Variants in SLC71A2 observed in about 807,000 individuals in gnomAD.
SLC71A2 encodes the protein hippocampus abundant transcript-like 1.
chr9:94,377,385 T>G, the SLC71A2 span, among the ~76,000 whole-genome samples: 3 of 47,268 alleles, frequency 6.3e-5, no homozygotes, highest in African/African-American at 5.3e-4. Flanking sequence ...GTTTTCTGTG[T>G]TTTTTTTTTT....
At chr9:94,375,831 TC>T in the SLC71A2 span, among the ~76,000 whole-genome samples, 150 of 146,924 alleles carry the variant, frequency 1.0e-3, no homozygotes, top group Non-Finnish European at 1.8e-3. Flanking sequence ...GGGATGTAAA[TC>T]CCTATTAGTA....
chr9:94,421,385 T>C, the SLC71A2 span, among the ~76,000 whole-genome samples: 2 of 152,196 alleles, frequency 1.3e-5, no homozygotes, highest in Non-Finnish European at 2.9e-5. Context: ...CTTGTCACAT[T>C]TCTAATGTGA....
chr9:94,413,659 CAAA>C, the SLC71A2 span, among the ~76,000 whole-genome samples: 2 of 101,984 alleles, frequency 2.0e-5, no homozygotes, highest in Non-Finnish European at 3.7e-5. Context: ...GACTTCATCT[CAAA>C]AAAAAAAAAA....
chr9:94,460,763 AC>A, the SLC71A2 span: 2 of 152,600 alleles, frequency 1.3e-5, no homozygotes, highest in African/African-American at 4.8e-5. Context: ...AATATATACA[AC>A]TTTTATAAAG....
the SLC71A2 span, among the ~76,000 whole-genome samples, chr9:94,382,126 A>G: frequency 6.6e-6 from 1 of 151,712 alleles, no homozygotes; most frequent in South Asian, 2.1e-4. Context: ...TCCTGGGCGC[A>G]GGTAATTCTC....
the SLC71A2 span, among the ~76,000 whole-genome samples, chr9:94,431,348 T>C: frequency 6.6e-6 from 1 of 151,956 alleles, no homozygotes; most frequent in South Asian, 2.1e-4. Context: ...AGTAATGTGC[T>C]GAATTTAGCC....
the SLC71A2 span, among the ~76,000 whole-genome samples, chr9:94,420,610 T>C: frequency 1.3e-5 from 2 of 151,318 alleles, no homozygotes; most frequent in Non-Finnish European, 2.9e-5. Flanking sequence ...TTTTTTTTTT[T>C]AAATTCAAGG....
the SLC71A2 span, among the ~76,000 whole-genome samples, chr9:94,448,579 GT>G: frequency 6.6e-6 from 1 of 152,148 alleles, no homozygotes; most frequent in Non-Finnish European, 1.5e-5. Flanking sequence ...CATTCTGATA[GT>G]TTTCCTGAGG....
At chr9:94,438,487 C>A in the SLC71A2 span, 18 of 1,613,610 alleles carry the variant, frequency 1.1e-5, no homozygotes, top group Non-Finnish European at 1.7e-6. Flanking sequence ...GCACTGTATT[C>A]TTTACCTGCT....
chr9:94,456,887 T>TC, the SLC71A2 span, among the ~76,000 whole-genome samples: 2 of 152,126 alleles, frequency 1.3e-5, no homozygotes, highest in Admixed American at 1.3e-4. Context: ...ATCCCATCCT[T>TC]CCCATGCCTC....
the SLC71A2 span, among the ~76,000 whole-genome samples, chr9:94,449,057 A>G: frequency 2.6e-5 from 4 of 152,242 alleles, no homozygotes; most frequent in African/African-American, 9.6e-5. Flanking sequence ...TACATTACAT[A>G]TGCATTTAAC....
the SLC71A2 span, among the ~76,000 whole-genome samples, chr9:94,439,990 C>CAT: frequency 6.6e-6 from 1 of 151,976 alleles, no homozygotes; most frequent in South Asian, 2.1e-4. Context: ...TTATTTTCTT[C>CAT]ATATATATAA....
chr9:94,444,476 A>C, the SLC71A2 span, among the ~76,000 whole-genome samples: 2 of 152,246 alleles, frequency 1.3e-5, no homozygotes, highest in African/African-American at 2.4e-5. Flanking sequence ...ATGACCACCA[A>C]ATGATAAAAT....
At chr9:94,448,875 T>A in the SLC71A2 span, among the ~76,000 whole-genome samples, 1 of 152,204 alleles carries the variant, frequency 6.6e-6, no homozygotes, top group East Asian at 1.9e-4. Context: ...TCAAGTGATC[T>A]GCCTGTTTCA....
chr9:94,402,161 T>C, the SLC71A2 span, among the ~76,000 whole-genome samples: 1 of 152,198 alleles, frequency 6.6e-6, no homozygotes, highest in South Asian at 2.1e-4. Context: ...ATCCTTTGAG[T>C]TAGAATTCCT....
chr9:94,375,629 T>C, the SLC71A2 span, among the ~76,000 whole-genome samples: 1 of 152,070 alleles, frequency 6.6e-6, no homozygotes, highest in Admixed American at 6.6e-5. Context: ...AGGATTTTTT[T>C]TTTTTGGTCT....
chr9:94,436,082 C>T, the SLC71A2 span, among the ~76,000 whole-genome samples: 1 of 152,202 alleles, frequency 6.6e-6, no homozygotes, highest in Non-Finnish European at 1.5e-5. Context: ...ACTTATAATA[C>T]CTAATACTGT....
At chr9:94,415,748 T>C in the SLC71A2 span, among the ~76,000 whole-genome samples, 4 of 152,018 alleles carry the variant, frequency 2.6e-5, no homozygotes, top group Admixed American at 2.6e-4. Context: ...CCTATGAGAA[T>C]CTAATGCCGC....
chr9:94,430,305 C>T, the SLC71A2 span, among the ~76,000 whole-genome samples: 1 of 151,350 alleles, frequency 6.6e-6, no homozygotes, highest in East Asian at 1.9e-4. Context: ...CTACTGCAAC[C>T]TCCACCTCCC....
Sources: allele counts gnomAD v4.1 joint callset (sites outside exome capture counted in the v4.1 genomes callset), GRCh38; gene constraint gnomAD v4.1.1; transcripts MANE v1.5; gene names NCBI Gene and HGNC (gene_info 2026-07-23, HGNC 2026-07-21).